CADPS2: variants seen among roughly 807,000 people sequenced by gnomAD.
The protein encoded by CADPS2 is calcium-dependent secretion activator 2.
A neutral mutation model predicts 172.5 loss-of-function variants in CADPS2; 93 were observed. The ratio of observed to expected loss-of-function variants is 0.54; its 90% CI spans 0.46 to 0.64. CADPS2 has a LOEUF of 0.64. Ranked by LOEUF, CADPS2 falls within the 30% of genes least tolerant of loss-of-function variation. The pLI is 0.00. For missense variants in CADPS2, 1,420 were observed against 1,565.9 expected (o/e 0.91, Z 1.57); for synonymous variants, 546 against 555.2 (o/e 0.98, Z 0.23).
At chr7:122,711,893 C>A (rs917200697) in intron 2 of CADPS2, among the ~76,000 whole-genome samples, 2 of 152,018 alleles carry the variant, frequency 1.3e-5, no homozygotes, top group African/African-American at 2.4e-5. Context: ...CCTTGTGATC[C>A]ACCTGCCTCA....
At chr7:122,694,300 T>C (rs1172344261) in intron 2 of CADPS2, among the ~76,000 whole-genome samples, 2 of 152,142 alleles carry the variant, frequency 1.3e-5, no homozygotes, top group East Asian at 3.9e-4. Context: ...GTAGTGGAGA[T>C]GAGCAGTCAA....
At chr7:122,676,504 C>T (rs911962344) in intron 2 of CADPS2, 6 of 439,656 alleles carry the variant, frequency 1.4e-5, no homozygotes, top group South Asian at 1.5e-4. Context: ...CTCGACTGCT[C>T]ACTACATTGC....
At chr7:122,828,407 A>G (rs1805568521) in intron 1 of CADPS2, among the ~76,000 whole-genome samples, 1 of 151,722 alleles carries the variant, frequency 6.6e-6, no homozygotes, top group South Asian at 2.1e-4. Flanking sequence ...CATTTTTAAG[A>G]TAATTATTGA....
chr7:122,747,278 G>A (rs1367594032), intron 1 of CADPS2, among the ~76,000 whole-genome samples: 1 of 151,984 alleles, frequency 6.6e-6, no homozygotes, highest in Non-Finnish European at 1.5e-5. Context: ...TCAGACATGT[G>A]CTATGGAAAA....
At chr7:122,524,261 C>T (rs150678081) in intron 8 of CADPS2, among the ~76,000 whole-genome samples, 1 of 152,264 alleles carries the variant, frequency 6.6e-6, no homozygotes, top group East Asian at 1.9e-4. Context: ...TGTTATTTAA[C>T]ATTACATGTA....
Position 122,407,621 on chromosome 7 carries a change from T to C in CADPS2, c.2665A>G (p.Thr889Ala). The change falls in exon 20 of 30, where the codon ACT becomes GCT. Residue 889 changes from threonine to alanine, a missense_variant. Coordinates refer to ENST00000449022, the MANE Select transcript of CADPS2 (RefSeq NM_017954.11). Reference protein sequence around the residue: ...FWALFTVDMDTALEAQPQDSW... With the variant: ...FWALFTVDMDAALEAQPQDSW... Reference sequence around the variant, plus strand: ...TCTTGCGGTTGAGCCTCTAGTGCAGTGTCCATATCCACTGTAAATAAAGCC... The same window carrying C: ...TCTTGCGGTTGAGCCTCTAGTGCAGCGTCCATATCCACTGTAAATAAAGCC... 6.2e-7 allele frequency: 1 copy of C among 1,612,264 alleles called. No homozygotes were observed. The highest frequency in any genetic ancestry group is 8.5e-7 in the Non-Finnish European group (1 of 1,179,140).
At chr7:122,400,207 G>C (rs535527977) in intron 20 of CADPS2, among the ~76,000 whole-genome samples, 3 of 151,752 alleles carry the variant, frequency 2.0e-5, no homozygotes, top group African/African-American at 4.8e-5. Flanking sequence ...AGGCCGAGGC[G>C]GGTGGATCAC....
intron 15 of CADPS2, among the ~76,000 whole-genome samples, chr7:122,443,649 CT>C (rs756070436): frequency 0.031 from 1,511 of 49,536 alleles, 16 homozygotes; most frequent in Middle Eastern, 0.074. Context: ...CTTCTTTTAT[CT>C]TTTTTTTTTT....
chr7:122,761,356 TGAAAAAATAAATATAGCTGATGGCCA>T (rs1183718962), intron 1 of CADPS2, among the ~76,000 whole-genome samples: 1 of 152,022 alleles, frequency 6.6e-6, no homozygotes, highest in Admixed American at 6.6e-5. Context: ...GCCCACAAGA[TGAAAAAATAAATATAGCTGATGGCCA>T]GAGATGCTCA....
At chr7:122,785,109 T>C (rs1306999654) in intron 1 of CADPS2, among the ~76,000 whole-genome samples, 1 of 152,220 alleles carries the variant, frequency 6.6e-6, no homozygotes, top group Non-Finnish European at 1.5e-5. Flanking sequence ...AGCTACCCTT[T>C]TTCCCTTGTG....
At chr7:122,780,277 T>C (rs1792337885) in intron 1 of CADPS2, among the ~76,000 whole-genome samples, 2 of 152,112 alleles carry the variant, frequency 1.3e-5, no homozygotes, top group South Asian at 2.1e-4. Context: ...TACTGAGTCT[T>C]CTAACTAACC....
At chr7:122,843,533 C>T (rs937367240) in intron 1 of CADPS2, among the ~76,000 whole-genome samples, 1 of 152,142 alleles carries the variant, frequency 6.6e-6, no homozygotes, top group Non-Finnish European at 1.5e-5. Context: ...TGATAATGGA[C>T]GGTAACCCCA....
intron 1 of CADPS2, among the ~76,000 whole-genome samples, chr7:122,831,953 C>A (rs888134179): frequency 6.6e-6 from 1 of 152,112 alleles, no homozygotes; most frequent in Admixed American, 6.5e-5. Flanking sequence ...ATGCTGTCAT[C>A]CTGGTTATAT....
At chr7:122,833,813 G>A (rs542884131) in intron 1 of CADPS2, among the ~76,000 whole-genome samples, 10 of 152,058 alleles carry the variant, frequency 6.6e-5, no homozygotes, top group Non-Finnish European at 1.0e-4. Flanking sequence ...ACCCAAAGAC[G>A]GCACCCTTAA....
chr7:122,615,866 ACTG>A (rs2074852031), intron 5 of CADPS2, among the ~76,000 whole-genome samples: 1 of 152,086 alleles, frequency 6.6e-6, no homozygotes, highest in Admixed American at 6.5e-5. Context: ...ATAATTTGTC[ACTG>A]AACATTTTAA....
At chr7:122,387,684 C>T (rs1485451461) in intron 23 of CADPS2, among the ~76,000 whole-genome samples, 1 of 152,008 alleles carries the variant, frequency 6.6e-6, no homozygotes, top group Non-Finnish European at 1.5e-5. Context: ...CTTTCAAAAA[C>T]CTAAAATTGC....
At chr7:122,516,415 G>A (rs766306929) in intron 8 of CADPS2, among the ~76,000 whole-genome samples, 1 of 152,020 alleles carries the variant, frequency 6.6e-6, no homozygotes, top group Non-Finnish European at 1.5e-5. Flanking sequence ...GTACACACTT[G>A]TCTTTGCTAC....
chr7:122,379,492 T>C (rs1311841282), intron 24 of CADPS2, 50 bp from the exon 25 acceptor site: 1 of 1,165,052 alleles, frequency 8.6e-7, no homozygotes, highest in Admixed American at 1.9e-5. Flanking sequence ...CACAAAACTT[T>C]TGTCATCAGT....
chr7:122,641,860 G>A (rs1423288176), intron 3 of CADPS2, among the ~76,000 whole-genome samples: 5 of 147,128 alleles, frequency 3.4e-5, no homozygotes, highest in South Asian at 2.1e-4. Flanking sequence ...CATATGTTAC[G>A]TTAAAAAAAA....
Sources: allele counts gnomAD v4.1 joint callset (sites outside exome capture counted in the v4.1 genomes callset), GRCh38; gene constraint gnomAD v4.1.1; transcripts MANE v1.5; gene names NCBI Gene and HGNC (gene_info 2026-07-23, HGNC 2026-07-21).